CROCC2: variants seen among roughly 807,000 people sequenced by gnomAD.
CROCC2 encodes the protein ciliary rootlet coiled-coil protein 2.
Under a neutral mutation model 177.6 loss-of-function variants are expected in CROCC2, and 163 were observed. The ratio of observed to expected loss-of-function variants is 0.92; its 90% CI spans 0.81 to 1.05. The LOEUF (loss-of-function observed/expected upper bound fraction) is 1.05, where lower values mean the gene tolerates loss of function less well. Among genes scored for constraint, CROCC2 ranks in the 50% least tolerant of loss-of-function variants. CROCC2 has a pLI of 0.00. For synonymous variants in CROCC2, 904 were observed against 787.3 expected, an observed-to-expected ratio of 1.15 and a Z score of -2.48; for missense variants, 1,929 against 1,797.8, an observed-to-expected ratio of 1.07 and a Z score of -1.32.
At position 240,955,910 on chromosome 2, in the gene CROCC2, A is replaced by G. The variant is rs567927960; in HGVS notation, c.2881A>G (p.Arg961Gly). The G allele has an allele frequency of 8.3e-5, 128 of 1,534,944 alleles. 3 individuals are homozygous for G. In the South Asian group the frequency reaches 1.4e-3, roughly 17 times the overall value. ...ERSLLSEELS[R>G]ARRTLERVQQ... is the part of the protein sequence containing the mutation. Reference sequence around the variant, plus strand: ...GAGCCTTCTGAGTGAGGAGCTCTCCAGGGCCAGGAGGACGCTAGAGCGGGT... The same window carrying G: ...GAGCCTTCTGAGTGAGGAGCTCTCCGGGGCCAGGAGGACGCTAGAGCGGGT... The change falls in exon 19 of 32, where the codon AGG becomes GGG. Residue 961 changes from arginine (R) to glycine (G), a missense_variant. Around this residue, in one of 3 missense-constraint regions of CROCC2, gnomAD observed 1,397 missense variants for 1,239.9 expected, o/e 1.13. Transcript: ENST00000690015.
At chr2:240,941,429 A>G (rs988457498) in intron 14 of CROCC2, among the ~76,000 whole-genome samples, 1 of 152,252 alleles carries the variant, frequency 6.6e-6, no homozygotes, top group African/African-American at 2.4e-5. Context: ...ACTTCAAACT[A>G]TACTATAAGG....
rs74001713 is a variant in CROCC2 at position 240,960,713 on chromosome 2, G to A, written c.3087+1269G>A. Among the ~76,000 whole-genome samples, 2,222 of 152,222 alleles carry A rather than the reference G, an allele frequency of 0.015. 52 individuals are homozygous for A. The highest frequency in any genetic ancestry group is 0.051 in the African/African-American group (2,108 of 41,528). ...CCACGCCCCAGAGGCCGGGCCGGCC[G>A]GCAGGGGAGAGTGAGAAGAGGGGCT... On this transcript the variant is annotated intron_variant, in intron 20 of 31. Coordinates refer to ENST00000690015, the MANE Select transcript of CROCC2 (RefSeq NM_001351305.2). The surrounding 1 kb of genome is among the most constrained non-coding windows in gnomAD (Gnocchi z 5.0).
intron 18 of CROCC2, among the ~76,000 whole-genome samples, 184 bp from the exon 19 acceptor site, chr2:240,955,675 G>A (rs1230171104): frequency 1.3e-5 from 2 of 152,200 alleles, no homozygotes; most frequent in Non-Finnish European, 2.9e-5. Flanking sequence ...CAGGGCCCAG[G>A]GCTGCCTCTG....
rs572892937 is a variant in CROCC2, at chr2:240,986,369, C to G, written c.4552-2370C>G. Among the ~76,000 whole-genome samples, 369 of 152,278 alleles carry G rather than the reference C, an allele frequency of 2.4e-3. 1 individual carries two copies. Among genetic ancestry groups the G allele is most frequent in the Middle Eastern group, 0.01 (3 of 294 alleles). Reference sequence around the variant, plus strand: ...CCCACTACCCAGGCCTCCTCATGGCCCCTTGACCCCAGAGCCCCACACCCA... The same window carrying G: ...CCCACTACCCAGGCCTCCTCATGGCGCCTTGACCCCAGAGCCCCACACCCA... On this transcript the variant is annotated intron_variant, in intron 28 of 31. Transcript: ENST00000690015.
intron 14 of CROCC2, among the ~76,000 whole-genome samples, chr2:240,943,303 AT>A (rs2059504370): frequency 6.6e-6 from 1 of 151,668 alleles, no homozygotes. Flanking sequence ...CAGCAGTACC[AT>A]TTTTTAAAAT....
Position 240,949,723 on chromosome 2 carries a change from C to G in CROCC2, c.2652+21C>G, listed in dbSNP as rs561026438. ...AGAAGGTCTGCTTCCCAGGAGCCCA[C>G]CAGTAGCTTCCTAGAAGGCTACCAG... On this transcript the variant is annotated intron_variant, in intron 17 of 31. Coordinates refer to ENST00000690015, the MANE Select transcript of CROCC2 (RefSeq NM_001351305.2). This position sits in a 1 kb window ranked among gnomAD's most constrained non-coding sequence, Gnocchi z 4.5. The G allele has an allele frequency of 6.6e-7, 1 of 1,523,274 alleles. No individual in the cohort carries two copies. 94.4% of individuals were successfully genotyped at this position (1,523,274 alleles called of 1,614,324 possible). A position where few individuals can be genotyped will look rare whatever the true frequency, so the allele number is the denominator to read the frequency against.
chr2:240,915,788 G>T (rs1265384900), intron 1 of CROCC2, among the ~76,000 whole-genome samples: 2 of 152,160 alleles, frequency 1.3e-5, no homozygotes, highest in African/African-American at 4.8e-5. Context: ...CCACTCAGGG[G>T]CTGTGACCTC....
At chr2:240,981,046 C>T (rs1443660314) in intron 27 of CROCC2, among the ~76,000 whole-genome samples, 1 of 116,324 alleles carries the variant, frequency 8.6e-6, no homozygotes, top group Non-Finnish European at 1.7e-5. Flanking sequence ...CCAGGCTCAT[C>T]CCTGCTCAGT....
At chr2:240,931,845 G>A (rs1323998243) in intron 7 of CROCC2, among the ~76,000 whole-genome samples, 1 of 152,248 alleles carries the variant, frequency 6.6e-6, no homozygotes, top group East Asian at 1.9e-4. Flanking sequence ...GGGGCCCAAC[G>A]GTGCCATACA....
rs59509555 is a variant in CROCC2, at chr2:240,975,737, T to G, written c.4402-7143T>G. 3.3e-3 allele frequency among the ~76,000 whole-genome samples: 472 copies of G among 143,420 alleles called. 8 individuals carry two copies. The highest frequency in any genetic ancestry group is 0.012 in the African/African-American group (460 of 36,922). 94.1% of individuals were successfully genotyped at this position (143,420 alleles called of 152,430 possible). A position where few individuals can be genotyped will look rare whatever the true frequency, so the allele number is the denominator to read the frequency against. ...CAGCCTGCTTTTTTTTTTTTTTTTT[T>G]TTTTTTTTTGAGACAGAGTTTTGCT... is the stretch of plus-strand genomic sequence containing the variant. On this transcript the variant is annotated intron_variant, in intron 27 of 31. Transcript: ENST00000690015.
intron 31 of CROCC2, among the ~76,000 whole-genome samples, chr2:240,992,072 G>A (rs143844706): frequency 2.6e-5 from 4 of 152,202 alleles, no homozygotes; most frequent in Non-Finnish European, 4.4e-5. Context: ...TGCTGGGAAC[G>A]GTCCTGTGGG....
At chr2:240,989,904 C>G in intron 30 of CROCC2, 71 bp downstream of exon 30, 1 of 1,417,624 alleles carries the variant, frequency 7.1e-7, no homozygotes, top group Non-Finnish European at 9.4e-7. Context: ...CCCGCAGTCA[C>G]CCAGTAGGGG....
chr2:240,983,833 A>C (rs1180765548), intron 28 of CROCC2: 1 of 332,864 alleles, frequency 3.0e-6, no homozygotes, highest in African/African-American at 2.3e-5. Flanking sequence ...CCAGTGTCTG[A>C]GCCCAGCTTT....
intron 28 of CROCC2, among the ~76,000 whole-genome samples, chr2:240,987,275 G>A (rs1385761174): frequency 6.6e-6 from 1 of 152,164 alleles, no homozygotes; most frequent in Non-Finnish European, 1.5e-5. Flanking sequence ...GGGAGGGAAG[G>A]AACAGCTAAT....
rs746324413 is a variant in CROCC2, at chr2:240,932,810, C to T, written c.1153C>T (p.Gln385Ter). ...CCCCCAACGTGCCACATCCCCCCAT[C>T]AAGGGGCGTCCCCACCACACATCTG... is the stretch of plus-strand genomic sequence containing the variant. ...RSPQRATSPH[Q>*]GASPPHICSP... Residue 385 changes from glutamine to a stop codon, truncating the protein, a stop_gained, in exon 9 of 32, where the codon CAA (glutamine) becomes TAA (stop). Coordinates refer to ENST00000690015, the MANE Select transcript of CROCC2 (RefSeq NM_001351305.2). LOFTEE classifies it high-confidence loss of function. The T allele has an allele frequency of 1.3e-6, 2 of 1,529,634 alleles. No individual in the cohort carries two copies. The allele number at this position is 1,529,634 out of a possible 1,614,324, so 94.8% of individuals were successfully genotyped here. A position where few individuals can be genotyped will look rare whatever the true frequency, so the allele number is the denominator to read the frequency against.
At chr2:240,963,845 G>C in intron 21 of CROCC2, 72 bp downstream of exon 21, 1 of 1,474,548 alleles carries the variant, frequency 6.8e-7, no homozygotes, top group African/African-American at 1.4e-5. Flanking sequence ...AGGGAGGATG[G>C]GGCAAGGGGG....
chr2:240,981,757 A>T (rs556823058), intron 27 of CROCC2: 1 of 152,194 alleles, frequency 6.6e-6, no homozygotes, highest in Non-Finnish European at 1.5e-5. Flanking sequence ...GGACCAAAAA[A>T]AAAAGTGTTT....
At chr2:240,941,160 AAC>A (rs2059492654) in intron 14 of CROCC2, among the ~76,000 whole-genome samples, 1 of 152,222 alleles carries the variant, frequency 6.6e-6, no homozygotes, top group Non-Finnish European at 1.5e-5. Context: ...AAAACTACAA[AAC>A]ACTGCTGAAA....
chr2:240,919,091 T>C (rs13017632), intron 2 of CROCC2, among the ~76,000 whole-genome samples: 57 of 45,292 alleles, frequency 1.3e-3, no homozygotes, highest in South Asian at 3.4e-3. Context: ...GGCAAGGTGA[T>C]GGCGTGGGGG....
Sources: allele counts gnomAD v4.1 joint callset (sites outside exome capture counted in the v4.1 genomes callset), GRCh38; gene constraint gnomAD v4.1.1; regional missense constraint gnomAD v4.1.1; non-coding constraint Gnocchi (gnomAD v3.1); transcripts MANE v1.5; gene names NCBI Gene and HGNC (gene_info 2026-07-23, HGNC 2026-07-21).